The following ZNF521 variants were observed in gnomAD, a reference collection of about 807,000 sequenced individuals.
The protein encoded by ZNF521 is zinc finger protein 521.
In ZNF521, 14 loss-of-function variants were observed where a neutral mutation model predicts 105.5. The observed-to-expected ratio is 0.13, with a 90% CI of 0.09 to 0.21. The LOEUF is 0.21. ZNF521 is among the 10% of genes least tolerant of loss of function. ZNF521 has a pLI of 1.00. For missense variants in ZNF521, 1,233 were observed against 1,629.7 expected, an observed-to-expected ratio of 0.76 and a Z score of 4.19; for synonymous variants, 635 against 606.0, an observed-to-expected ratio of 1.05 and a Z score of -0.70.
chr18:25,299,569 T>G (rs1252411375), intron 3 of ZNF521, among the ~76,000 whole-genome samples: 2 of 152,196 alleles, frequency 1.3e-5, no homozygotes, highest in Non-Finnish European at 1.5e-5. Context: ...AACAACACTG[T>G]AAGGTCTTTC....
chr18:25,076,478 A>C (rs1025398084), intron 7 of ZNF521, among the ~76,000 whole-genome samples: 3 of 152,202 alleles, frequency 2.0e-5, no homozygotes, highest in African/African-American at 7.2e-5. Flanking sequence ...GAAATGAATT[A>C]TCTCTTATCC....
At chr18:25,185,957 AG>A (rs1404627221) in intron 5 of ZNF521, among the ~76,000 whole-genome samples, 4 of 152,214 alleles carry the variant, frequency 2.6e-5, no homozygotes, top group Non-Finnish European at 4.4e-5. Context: ...CAATATAAAC[AG>A]GCTCTCCGTT....
chr18:25,075,745 T>G (rs1389891127), intron 7 of ZNF521, among the ~76,000 whole-genome samples: 1 of 152,208 alleles, frequency 6.6e-6, no homozygotes, highest in Admixed American at 6.5e-5. Context: ...TAATAAGGGT[T>G]AAGTGGAAAC....
intron 3 of ZNF521, among the ~76,000 whole-genome samples, chr18:25,237,979 G>A (rs574679896): frequency 6.6e-6 from 1 of 152,296 alleles, no homozygotes; most frequent in South Asian, 2.1e-4. Context: ...GGGAAAAAAA[G>A]TGCTAATTTT....
intron 3 of ZNF521, among the ~76,000 whole-genome samples, chr18:25,238,533 C>A (rs1480386968): frequency 2.0e-5 from 3 of 152,184 alleles, no homozygotes; most frequent in African/African-American, 7.2e-5. Flanking sequence ...CAGGTATTGA[C>A]AAAGCAAAGC....
chr18:25,338,353 A>G (rs1378650368), intron 2 of ZNF521, among the ~76,000 whole-genome samples: 2 of 151,462 alleles, frequency 1.3e-5, no homozygotes, highest in East Asian at 3.9e-4. Context: ...GTGAGTTGAA[A>G]GTGGAAAAAA....
At position 25,350,947 on chromosome 18, in the gene ZNF521, C is replaced by T; in HGVS notation, c.-1G>A. 6.5e-7 allele frequency: 1 copy of T among 1,549,536 alleles called. No individual in the cohort carries two copies. The highest frequency in any genetic ancestry group is 8.7e-7 in the Non-Finnish European group (1 of 1,145,994). ...GTTTCGCTTGCTTGCGGCGAGACAT[C>T]CTAAAAGCAAACAGCTGAAGTTGTT... is the stretch of plus-strand genomic sequence containing the variant. On this transcript the variant is annotated splice_region_variant and 5_prime_UTR_variant, in exon 2 of 8. Coordinates refer to ENST00000361524, the MANE Select transcript of ZNF521 (RefSeq NM_015461.3).
chr18:25,149,568 A>G (rs1232671106), intron 5 of ZNF521, among the ~76,000 whole-genome samples: 3 of 152,166 alleles, frequency 2.0e-5, no homozygotes, highest in Non-Finnish European at 4.4e-5. Flanking sequence ...TACATGGAAG[A>G]GCTGGTCTCA....
chr18:25,330,979 G>A lies in ZNF521; in HGVS notation c.41-8792C>T, dbSNP rs994521357. Among the ~76,000 whole-genome samples, 11 of 152,086 alleles carry A rather than the reference G, an allele frequency of 7.2e-5. 1 individual carries two copies. The highest frequency in any genetic ancestry group is 2.4e-4 in the African/African-American group (10 of 41,404). ...CTGCTGAAGCTTTTTCTAGATGAAGGGCTTAAAGTAAAATACCCAGAGTCT... is the reference window on the plus strand; with the variant it reads ...CTGCTGAAGCTTTTTCTAGATGAAGAGCTTAAAGTAAAATACCCAGAGTCT... On this transcript the variant is annotated intron_variant, in intron 2 of 7. Transcript: ENST00000361524.
chr18:25,268,075 G>A (rs1909394153), intron 3 of ZNF521, among the ~76,000 whole-genome samples: 1 of 152,160 alleles, frequency 6.6e-6, no homozygotes, highest in Non-Finnish European at 1.5e-5. Context: ...AACCAGTTTT[G>A]AGAAGAACAT....
chr18:25,181,858 GC>G (rs1348534500), intron 5 of ZNF521, among the ~76,000 whole-genome samples: 2 of 152,134 alleles, frequency 1.3e-5, no homozygotes, highest in Admixed American at 6.5e-5. Flanking sequence ...ATAATGTGGA[GC>G]CCCAGTGGGG....
At chr18:25,339,428 G>T (rs1319580375) in intron 2 of ZNF521, among the ~76,000 whole-genome samples, 2 of 152,070 alleles carry the variant, frequency 1.3e-5, no homozygotes, top group Non-Finnish European at 2.9e-5. Context: ...CACTGATATC[G>T]CTGTTAAATA....
chr18:25,069,131 A>G (rs1475126083), intron 7 of ZNF521, among the ~76,000 whole-genome samples: 1 of 152,226 alleles, frequency 6.6e-6, no homozygotes, highest in African/African-American at 2.4e-5. Flanking sequence ...CTTCTACATT[A>G]ATCAATATAT....
At chr18:25,263,301 T>C (rs1909033679) in intron 3 of ZNF521, among the ~76,000 whole-genome samples, 1 of 152,082 alleles carries the variant, frequency 6.6e-6, no homozygotes. Flanking sequence ...ATGATCAAGA[T>C]ACAGTATCAC....
chr18:25,134,253 C>T (rs2034692368), intron 5 of ZNF521, among the ~76,000 whole-genome samples: 3 of 152,252 alleles, frequency 2.0e-5, no homozygotes, highest in African/African-American at 7.2e-5. Flanking sequence ...TCCACACATC[C>T]CTGTGGCCAA....
In ZNF521 at chr18:25,130,770, C is replaced by T. The variant is rs1350187496; in HGVS notation, c.3659-38689G>A. ...TAGGCCTGGGCAACATAGCGAGACC[C>T]CATCTCTACAAAAAATTCAATAATT... On this transcript the variant is annotated intron_variant, in intron 5 of 7. Transcript: ENST00000361524. 3.3e-5 allele frequency among the ~76,000 whole-genome samples: 5 copies of T among 152,118 alleles called. No homozygotes were observed. In the South Asian group the frequency reaches 8.3e-4, roughly 25 times the overall value.
intron 3 of ZNF521, among the ~76,000 whole-genome samples, chr18:25,232,996 A>G (rs1906636505): frequency 6.6e-6 from 1 of 152,182 alleles, no homozygotes; most frequent in African/African-American, 2.4e-5. Flanking sequence ...CATAAGCTGA[A>G]ACTCCTGGGG....
intron 5 of ZNF521, among the ~76,000 whole-genome samples, chr18:25,124,106 G>A (rs901560136): frequency 3.3e-5 from 5 of 152,084 alleles, no homozygotes; most frequent in African/African-American, 4.8e-5. Flanking sequence ...ACAAGAAGCC[G>A]ACAGAATGCT....
At chr18:25,308,462 C>T (rs1472720586) in intron 3 of ZNF521, among the ~76,000 whole-genome samples, 2 of 152,126 alleles carry the variant, frequency 1.3e-5, no homozygotes, top group African/African-American at 4.8e-5. Flanking sequence ...CTCCATCTTA[C>T]ACATTTTCTA....
Sources: allele counts gnomAD v4.1 joint callset (sites outside exome capture counted in the v4.1 genomes callset), GRCh38; gene constraint gnomAD v4.1.1; transcripts MANE v1.5; gene names NCBI Gene and HGNC (gene_info 2026-07-23, HGNC 2026-07-21).